Variants in TXLNB observed in about 807,000 individuals in gnomAD.
TXLNB encodes the protein taxilin beta, also known as beta-taxilin.
TXLNB carries 37 observed loss-of-function variants against 57.4 expected under a neutral mutation model. That is an observed-to-expected ratio of 0.64 (90% CI 0.50 to 0.85). The LOEUF (loss-of-function observed/expected upper bound fraction) is 0.85. Ranked by LOEUF, TXLNB falls within the 40% of genes least tolerant of loss-of-function variation. The pLI is 0.00. For synonymous variants in TXLNB, 302 were observed against 309.6 expected, an observed-to-expected ratio of 0.98 and a Z score of 0.26; for missense variants, 848 against 825.6, an observed-to-expected ratio of 1.03 and a Z score of -0.33.
the TXLNB span, among the ~76,000 whole-genome samples, chr6:139,190,412 C>T: frequency 6.7e-5 from 10 of 148,630 alleles, no homozygotes; most frequent in East Asian, 2.0e-4. Flanking sequence ...TAGGTTCAAG[C>T]GATTCTCCTG....
In TXLNB at chr6:139,241,143, C is replaced by T. The variant is rs1775924302; in HGVS notation, c.*1383G>A. 6.6e-6 allele frequency: 1 copy of T among 152,158 alleles called. No individual in the cohort carries two copies. The highest frequency in any genetic ancestry group is 1.5e-5 in the Non-Finnish European group (1 of 68,012). The allele number at this position is 152,158 out of a possible 1,614,324, so 9.4% of individuals were successfully genotyped here. A position where few individuals can be genotyped will look rare whatever the true frequency, so the allele number is the denominator to read the frequency against. On this transcript the variant is annotated 3_prime_UTR_variant, in exon 10 of 10. Transcript: ENST00000358430. ...TGTTGACAACCCCAAGTGTTTCTAG[C>T]TTTTGCCTTCTCCTGAATCCTCACC...
the TXLNB span, among the ~76,000 whole-genome samples, chr6:139,215,304 C>G: frequency 1.3e-5 from 2 of 151,824 alleles, no homozygotes; most frequent in Middle Eastern, 3.2e-3. Context: ...CAGAACAGAG[C>G]CCTCAGAAAT....
chr6:139,178,320 A>G, the TXLNB span: 4 of 152,172 alleles, frequency 2.6e-5, no homozygotes, highest in Non-Finnish European at 5.9e-5. Context: ...GTAGATTTTA[A>G]TGCTTTAAAT....
Position 139,250,132 on chromosome 6 carries a change from A to T in TXLNB, c.1078-2223T>A, listed in dbSNP as rs187520906. ...TGGGCTTAAGGGATCCTCCTGCATCAGCCTCCAGAGTTGCTAGGACTACAG... is the reference window on the plus strand; with the variant it reads ...TGGGCTTAAGGGATCCTCCTGCATCTGCCTCCAGAGTTGCTAGGACTACAG... On this transcript the variant is annotated intron_variant, in intron 7 of 9. Transcript: ENST00000358430. Among the ~76,000 whole-genome samples the T allele has an allele frequency of 9.3e-5, 14 of 150,150 alleles. No homozygotes were observed. The East Asian group carries it at 2.5e-3, about 27-fold the overall frequency.
At chr6:139,217,043 C>G in the TXLNB span, among the ~76,000 whole-genome samples, 4 of 152,044 alleles carry the variant, frequency 2.6e-5, no homozygotes, top group South Asian at 6.2e-4. Context: ...ACAAAGGGAC[C>G]TAGATAAGCT....
the TXLNB span, among the ~76,000 whole-genome samples, chr6:139,304,555 G>A: frequency 2.0e-5 from 3 of 152,208 alleles, no homozygotes. Context: ...GCCTGCTCAT[G>A]TGAGCTGAAA....
the TXLNB span, chr6:139,177,036 A>G: frequency 2.3e-6 from 2 of 872,182 alleles, no homozygotes; most frequent in African/African-American, 1.6e-5. This position sits in a 1 kb window ranked among gnomAD's most constrained non-coding sequence, Gnocchi z 4.9. Context: ...AGCAGTGTCC[A>G]CACTGTGGGA....
chr6:139,317,720 G>C, the TXLNB span, among the ~76,000 whole-genome samples: 3 of 152,052 alleles, frequency 2.0e-5, no homozygotes, highest in African/African-American at 7.2e-5. Flanking sequence ...GGTAATAATA[G>C]AGTTAAGAAA....
At chr6:139,199,331 A>G in the TXLNB span, among the ~76,000 whole-genome samples, 1 of 152,160 alleles carries the variant, frequency 6.6e-6, no homozygotes, top group Non-Finnish European at 1.5e-5. Flanking sequence ...CGACTCTACC[A>G]ATTTCTTGCT....
chr6:139,224,127 T>C, the TXLNB span, among the ~76,000 whole-genome samples: 1 of 149,936 alleles, frequency 6.7e-6, no homozygotes, highest in Non-Finnish European at 1.5e-5. Flanking sequence ...TAAAAAATGA[T>C]GAGTTCATGT....
chr6:139,313,806 G>GC, the TXLNB span, among the ~76,000 whole-genome samples: 1 of 151,852 alleles, frequency 6.6e-6, no homozygotes, highest in Non-Finnish European at 1.5e-5. Flanking sequence ...AAAATTCTAA[G>GC]CCCCCCAACC....
chr6:139,302,801 A>G, the TXLNB span, among the ~76,000 whole-genome samples: 10 of 151,322 alleles, frequency 6.6e-5, no homozygotes, highest in African/African-American at 2.4e-4. Context: ...AAGAAAAAAG[A>G]AAAAAAAACC....
chr6:139,262,592 T>C lies in TXLNB; in HGVS notation c.869A>G (p.Glu290Gly), dbSNP rs200850808. 1.2e-5 allele frequency: 20 copies of C among 1,613,798 alleles called. No homozygotes were observed. In the Middle Eastern group the frequency reaches 4.9e-4, roughly 40 times the overall value. The change falls in exon 5 of 10, where the codon GAG becomes GGG. Residue 290 changes from glutamate (E) to glycine (G), a missense_variant. Coordinates refer to ENST00000358430, the MANE Select transcript of TXLNB (RefSeq NM_153235.4). ...EKLKSIIDQY[E>G]LREEHLDKIF... ...TGTGGTTCTCACCTCCTCTCTGAGC[T>C]CATACTGATCGATGATGCTTTTCAG...
At chr6:139,238,481 A>G (rs1460057605), downstream of TXLNB, among the ~76,000 whole-genome samples, 1 of 152,228 alleles carries the variant, frequency 6.6e-6, no homozygotes, top group African/African-American at 2.4e-5. Context: ...CTCCGTATTT[A>G]TGTATATGTA....
At chr6:139,313,219 C>G in the TXLNB span, among the ~76,000 whole-genome samples, 1 of 151,964 alleles carries the variant, frequency 6.6e-6, no homozygotes. Flanking sequence ...ACTACAGGCA[C>G]GTGCCACCAT....
the TXLNB span, among the ~76,000 whole-genome samples, chr6:139,228,318 ACAGCCTGGC>A: frequency 1.3e-5 from 2 of 152,076 alleles, no homozygotes; most frequent in African/African-American, 4.8e-5. Context: ...GCATTTGAGA[ACAGCCTGGC>A]CAGCCTGGCC....
chr6:139,199,234 A>T, the TXLNB span, among the ~76,000 whole-genome samples: 7 of 152,230 alleles, frequency 4.6e-5, no homozygotes, highest in African/African-American at 7.2e-5. Flanking sequence ...ATTATTTTTT[A>T]AAATTTTCCT....
chr6:139,197,669 A>G, the TXLNB span: 1 of 152,232 alleles, frequency 6.6e-6, no homozygotes, highest in South Asian at 2.1e-4. Context: ...TCAGTGTCTT[A>G]GTCCATTTGT....
intron 3 of TXLNB, among the ~76,000 whole-genome samples, chr6:139,273,654 TGC>T (rs776497807): frequency 8.5e-5 from 13 of 152,082 alleles, no homozygotes; most frequent in Non-Finnish European, 1.3e-4. Flanking sequence ...GATGGGTTCT[TGC>T]CATATTGTCC....
Sources: gnomAD v4.1 joint callset for allele counts (sites outside exome capture counted in the v4.1 genomes callset) on GRCh38, gnomAD v4.1.1 for gene constraint, Gnocchi (gnomAD v3.1) non-coding constraint, MANE v1.5 for transcripts, NCBI Gene and HGNC (gene_info 2026-07-23, HGNC 2026-07-21) for gene names.